Variants in SNTG1 observed in about 807,000 individuals in gnomAD.
SNTG1 encodes syntrophin gamma 1, also known as gamma-1-syntrophin.
SNTG1 carries 39 observed loss-of-function variants against 74.7 expected under a neutral mutation model. The ratio of observed to expected loss-of-function variants is 0.52; its 90% confidence interval spans 0.40 to 0.68. SNTG1 has a LOEUF of 0.68. Among genes scored for constraint, SNTG1 ranks in the 30% least tolerant of loss-of-function variants. SNTG1 has a pLI of 0.00. For missense variants in SNTG1, 685 were observed against 609.5 expected (o/e 1.12, Z -1.30); for synonymous variants, 254 against 217.1 (o/e 1.17, Z -1.49).
chr8:49,977,523 T>C (rs1370509911), intron 1 of SNTG1, among the ~76,000 whole-genome samples: 1 of 152,144 alleles, frequency 6.6e-6, no homozygotes, highest in Non-Finnish European at 1.5e-5. Flanking sequence ...TCTTCCAAGA[T>C]CAGAACATTT....
chr8:50,669,102 A>G (rs1563719910), intron 15 of SNTG1, among the ~76,000 whole-genome samples: 1 of 152,102 alleles, frequency 6.6e-6, no homozygotes, highest in Non-Finnish European at 1.5e-5. Context: ...TCCAAAATTG[A>G]CACCCTAACA....
At chr8:50,496,800 CACA>C (rs2093908437) in intron 8 of SNTG1, among the ~76,000 whole-genome samples, 1 of 151,954 alleles carries the variant, frequency 6.6e-6, no homozygotes, top group Non-Finnish European at 1.5e-5. Context: ...GATTAAAATT[CACA>C]ACATTTTATT....
chr8:50,069,215 CTG>C (rs1821147005), intron 1 of SNTG1, among the ~76,000 whole-genome samples: 1 of 152,178 alleles, frequency 6.6e-6, no homozygotes, highest in South Asian at 2.1e-4. Context: ...AAAATAAACT[CTG>C]TGATGTGCCA....
At chr8:49,976,275 A>T (rs1326444040) in intron 1 of SNTG1, among the ~76,000 whole-genome samples, 2 of 152,224 alleles carry the variant, frequency 1.3e-5, no homozygotes, top group Non-Finnish European at 2.9e-5. Context: ...TGTTTCATAA[A>T]GTGATATTTA....
At chr8:50,424,237 C>G (rs561104319) in intron 4 of SNTG1, among the ~76,000 whole-genome samples, 4 of 152,162 alleles carry the variant, frequency 2.6e-5, no homozygotes, top group Admixed American at 1.3e-4. Context: ...TCACTCCTCT[C>G]CCAGAATACA....
Position 50,299,285 on chromosome 8 carries a change from A to T in SNTG1, c.-27-94927A>T, listed in dbSNP as rs1189781723. Among the ~76,000 whole-genome samples, 28 of 151,928 alleles carry T rather than the reference A, an allele frequency of 1.8e-4. 1 individual carries two copies. On this transcript the variant is annotated intron_variant, in intron 2 of 18. Transcript: ENST00000642720. ...GCTCACTGCAGCCTTGAACTCTTGGACTCAAAATACCCTCCTGTCTCCTCT... is the reference window on the plus strand; with the variant it reads ...GCTCACTGCAGCCTTGAACTCTTGGTCTCAAAATACCCTCCTGTCTCCTCT...
At chr8:50,199,675 C>T (rs192121549) in intron 2 of SNTG1, among the ~76,000 whole-genome samples, 2 of 152,236 alleles carry the variant, frequency 1.3e-5, no homozygotes, top group East Asian at 1.9e-4. Flanking sequence ...GAGTGCAGGT[C>T]GTCAGCTGCC....
intron 2 of SNTG1, among the ~76,000 whole-genome samples, chr8:50,220,237 C>T (rs576927282): frequency 6.6e-6 from 1 of 152,206 alleles, no homozygotes; most frequent in East Asian, 1.9e-4. Flanking sequence ...TTCAATGCAG[C>T]TGTCTTTAAT....
At chr8:50,596,710 T>G (rs1465151677) in intron 13 of SNTG1, among the ~76,000 whole-genome samples, 2 of 152,046 alleles carry the variant, frequency 1.3e-5, no homozygotes, top group Non-Finnish European at 2.9e-5. Context: ...ACATGAGTAG[T>G]GTAAGTCCCC....
intron 1 of SNTG1, among the ~76,000 whole-genome samples, chr8:49,972,242 C>T (rs1394727094): frequency 2.6e-5 from 4 of 152,072 alleles, no homozygotes; most frequent in Non-Finnish European, 5.9e-5. Context: ...CTTTGACAAA[C>T]CTGACAAAAA....
intron 2 of SNTG1, among the ~76,000 whole-genome samples, chr8:50,195,801 A>G (rs1391256459): frequency 6.6e-6 from 1 of 152,042 alleles, no homozygotes; most frequent in Non-Finnish European, 1.5e-5. Flanking sequence ...GTCCTACAGG[A>G]GCAGTTCACT....
At chr8:50,150,116 G>T (rs1300935390) in intron 1 of SNTG1, among the ~76,000 whole-genome samples, 1 of 152,068 alleles carries the variant, frequency 6.6e-6, no homozygotes, top group African/African-American at 2.4e-5. Flanking sequence ...CACATCCCTT[G>T]TAAGTTGGAT....
At chr8:49,981,245 A>G (rs573582868) in intron 1 of SNTG1, among the ~76,000 whole-genome samples, 1 of 152,358 alleles carries the variant, frequency 6.6e-6, no homozygotes, top group East Asian at 1.9e-4. Context: ...GCAAATGAAG[A>G]AAAGGAGAGA....
chr8:50,259,548 G>A (rs149218405), intron 2 of SNTG1, among the ~76,000 whole-genome samples: 14,502 of 33,744 alleles, frequency 0.43, 4,525 homozygotes, highest in South Asian at 0.71. Context: ...AAGAAAGAAA[G>A]AAAGAAAGAA....
chr8:49,997,753 G>A (rs1247806184), intron 1 of SNTG1, among the ~76,000 whole-genome samples: 3 of 151,796 alleles, frequency 2.0e-5, no homozygotes, highest in African/African-American at 7.3e-5. Context: ...TGTTATTGTT[G>A]TTTTTTTAGC....
In SNTG1 at chr8:50,270,614, G is replaced by C. The variant is rs570883456; in HGVS notation, c.-28+97979G>C. Among the ~76,000 whole-genome samples the C allele has an allele frequency of 1.1e-4, 17 of 152,286 alleles. No individual in the cohort carries two copies. In the East Asian group the frequency reaches 2.1e-3, roughly 19 times the overall value. On this transcript the variant is annotated intron_variant, in intron 2 of 18. Transcript: ENST00000642720. ...CTAGATTTGAGAACTTTTCCTCCCT[G>C]TGAAGTCAATGAGGGAAGGAAACTC...
chr8:50,579,977 C>A (rs570560349), intron 12 of SNTG1, among the ~76,000 whole-genome samples: 14 of 152,310 alleles, frequency 9.2e-5, no homozygotes, highest in Non-Finnish European at 2.1e-4. Flanking sequence ...ACGGCTTGCA[C>A]CGTGTGCTGG....
chr8:50,621,692 C>T (rs1478552827), intron 13 of SNTG1, among the ~76,000 whole-genome samples: 2 of 152,266 alleles, frequency 1.3e-5, no homozygotes, highest in South Asian at 2.1e-4. Context: ...ATTATCCTGA[C>T]AAGTCTATAT....
At chr8:50,272,051 G>A (rs1487822720) in intron 2 of SNTG1, among the ~76,000 whole-genome samples, 2 of 152,144 alleles carry the variant, frequency 1.3e-5, no homozygotes, top group Non-Finnish European at 2.9e-5. Context: ...GAATCTGCCT[G>A]TATTTTTTAT....
Sources: allele counts gnomAD v4.1 joint callset (sites outside exome capture counted in the v4.1 genomes callset), GRCh38; gene constraint gnomAD v4.1.1; transcripts MANE v1.5; gene names NCBI Gene and HGNC (gene_info 2026-07-23, HGNC 2026-07-21).